Variants in AHCYL2 observed in about 807,000 individuals in gnomAD.
The protein encoded by AHCYL2 is S-adenosylhomocysteine hydrolase-like protein 2.
In AHCYL2, 28 loss-of-function variants were observed where a neutral mutation model predicts 81.4. The observed-to-expected ratio is 0.34, with a 90% CI of 0.25 to 0.47. AHCYL2 has a LOEUF of 0.47. Ranked by LOEUF, AHCYL2 falls within the 20% of genes least tolerant of loss-of-function variation. The pLI is 1.00. For synonymous variants in AHCYL2, 272 were observed against 290.2 expected, an observed-to-expected ratio of 0.94 and a Z score of 0.64; for missense variants, 551 against 785.1, an observed-to-expected ratio of 0.70 and a Z score of 3.56.
intron 1 of AHCYL2, among the ~76,000 whole-genome samples, chr7:129,229,341 A>C (rs1794338539): frequency 6.6e-6 from 1 of 152,216 alleles, no homozygotes; most frequent in African/African-American, 2.4e-5. Flanking sequence ...TGCTGGGATT[A>C]CAGATGTGAG....
chr7:129,287,216 A>G (rs969212574), intron 1 of AHCYL2, among the ~76,000 whole-genome samples: 1 of 152,222 alleles, frequency 6.6e-6, no homozygotes, highest in Non-Finnish European at 1.5e-5. Context: ...AAAAGAACAA[A>G]TATAATCTTA....
chr7:129,248,327 C>T (rs1013545882), intron 1 of AHCYL2, among the ~76,000 whole-genome samples: 2 of 152,120 alleles, frequency 1.3e-5, no homozygotes, highest in South Asian at 2.1e-4. Flanking sequence ...CTGGGATGCT[C>T]GAGTCCCTTA....
intron 1 of AHCYL2, among the ~76,000 whole-genome samples, chr7:129,340,424 C>T (rs1320762133): frequency 6.6e-6 from 1 of 151,336 alleles, no homozygotes; most frequent in South Asian, 2.1e-4. Flanking sequence ...AAAAATTAGC[C>T]GGGCGTGGTG....
At chr7:129,244,216 A>T (rs9640854) in intron 1 of AHCYL2, among the ~76,000 whole-genome samples, 36,254 of 146,518 alleles carry the variant, frequency 0.25, 4,581 homozygotes, top group East Asian at 0.43. Context: ...GTTGCCCAGG[A>T]TGGTGTTGAA....
chr7:129,417,583 C>G (rs1796918074), intron 12 of AHCYL2, among the ~76,000 whole-genome samples: 1 of 152,192 alleles, frequency 6.6e-6, no homozygotes. Context: ...TCTCACTTCT[C>G]TTTGTGTTCT....
intron 1 of AHCYL2, among the ~76,000 whole-genome samples, chr7:129,259,948 T>C (rs566656466): frequency 4.6e-5 from 7 of 152,062 alleles, no homozygotes; most frequent in Admixed American, 6.6e-5. Context: ...TGGTGGCATG[T>C]GCCTGTAATC....
chr7:129,304,072 AAAAT>A (rs893463883), intron 1 of AHCYL2, among the ~76,000 whole-genome samples: 5 of 149,790 alleles, frequency 3.3e-5, no homozygotes, highest in East Asian at 1.9e-4. Flanking sequence ...AAATAAAATA[AAAAT>A]AAATAAATAA....
intron 1 of AHCYL2, among the ~76,000 whole-genome samples, chr7:129,337,846 C>T (rs1378299194): frequency 2.0e-5 from 3 of 152,178 alleles, no homozygotes; most frequent in Non-Finnish European, 2.9e-5. Flanking sequence ...CGGGTTCAAG[C>T]GATTCTTCTG....
chr7:129,307,642 T>C (rs1797489966), intron 1 of AHCYL2, among the ~76,000 whole-genome samples: 1 of 151,824 alleles, frequency 6.6e-6, no homozygotes, highest in South Asian at 2.1e-4. Flanking sequence ...AAGTCTCCTT[T>C]ATTCTTTCCT....
intron 1 of AHCYL2, among the ~76,000 whole-genome samples, chr7:129,322,084 C>A (rs1798055202): frequency 6.7e-6 from 1 of 150,076 alleles, no homozygotes; most frequent in African/African-American, 2.5e-5. Context: ...TTGGAATTCA[C>A]CAAGTAAGCC....
At chr7:129,254,098 A>G (rs940194832) in intron 1 of AHCYL2, among the ~76,000 whole-genome samples, 4 of 152,208 alleles carry the variant, frequency 2.6e-5, no homozygotes, top group Non-Finnish European at 4.4e-5. Context: ...TTGAGATGTT[A>G]GTATAACATC....
intron 1 of AHCYL2, among the ~76,000 whole-genome samples, chr7:129,342,888 A>T (rs757397004): frequency 3.3e-5 from 5 of 152,252 alleles, no homozygotes; most frequent in Non-Finnish European, 7.3e-5. Context: ...AGTATATATT[A>T]ACATACATAT....
intron 2 of AHCYL2, among the ~76,000 whole-genome samples, chr7:129,385,030 A>G (rs1795141415): frequency 6.6e-6 from 1 of 152,338 alleles, no homozygotes; most frequent in East Asian, 1.9e-4. Flanking sequence ...TCTCAGTGAT[A>G]TATTTCTGAA....
chr7:129,285,700 T>C (rs1436444159), intron 1 of AHCYL2, among the ~76,000 whole-genome samples: 12 of 70,632 alleles, frequency 1.7e-4, no homozygotes, highest in South Asian at 1.1e-3. Flanking sequence ...CTCTCTCTTT[T>C]TTTTTTTTTT....
At chr7:129,399,445 T>C (rs1452317820) in intron 5 of AHCYL2, among the ~76,000 whole-genome samples, 7 of 148,542 alleles carry the variant, frequency 4.7e-5, no homozygotes, top group Non-Finnish European at 1.0e-4. Flanking sequence ...AGACTCCGTC[T>C]CAAAAAAAAA....
Position 129,323,873 on chromosome 7 carries a change from C to CTT in AHCYL2, c.364-55749_364-55748dup, listed in dbSNP as rs369389755. Among the ~76,000 whole-genome samples, 201 of 131,082 alleles carry CTT rather than the reference C, an allele frequency of 1.5e-3. 2 individuals carry two copies. The highest frequency in any genetic ancestry group is 2.2e-3 in the South Asian group (9 of 4,072). 86.0% of individuals were successfully genotyped at this position (131,082 alleles called of 152,430 possible). A position where few individuals can be genotyped will look rare whatever the true frequency, so the allele number is the denominator to read the frequency against. On this transcript the variant is annotated intron_variant, in intron 1 of 16. Transcript: ENST00000325006. ...CTTGATATTAATATGGCCCTTTTAGCTTTTTTTTTTTTTTTTTGACAGAGT... is the reference window on the plus strand; with the variant it reads ...CTTGATATTAATATGGCCCTTTTAGCTTTTTTTTTTTTTTTTTTTGACAGAGT...
intron 2 of AHCYL2, chr7:129,388,348 C>T (rs1280687917): frequency 6.6e-6 from 1 of 152,144 alleles, no homozygotes; most frequent in Non-Finnish European, 1.5e-5. Flanking sequence ...AGTTTTAGGC[C>T]TTTCACACTC....
At chr7:129,351,240 C>T (rs943055947) in intron 1 of AHCYL2, among the ~76,000 whole-genome samples, 2 of 152,126 alleles carry the variant, frequency 1.3e-5, no homozygotes, top group Non-Finnish European at 2.9e-5. Context: ...AAAATAACAA[C>T]TTATTGGATG....
At chr7:129,246,529 G>A (rs1038920026) in intron 1 of AHCYL2, among the ~76,000 whole-genome samples, 7 of 152,170 alleles carry the variant, frequency 4.6e-5, no homozygotes, top group African/African-American at 1.4e-4. Flanking sequence ...ACAGGATCTC[G>A]CTCTGTCACT....
Sources: gnomAD v4.1 joint callset for allele counts (sites outside exome capture counted in the v4.1 genomes callset) on GRCh38, gnomAD v4.1.1 for gene constraint, MANE v1.5 for transcripts, NCBI Gene and HGNC (gene_info 2026-07-23, HGNC 2026-07-21) for gene names.